Variants in AGK observed in about 807,000 individuals in gnomAD.
The protein encoded by AGK is acylglycerol kinase.
A neutral mutation model predicts 66.4 loss-of-function variants in AGK; 52 were observed. The observed-to-expected ratio is 0.78, with a 90% CI of 0.63 to 0.99. The LOEUF (loss-of-function observed/expected upper bound fraction) is 0.99, where lower values mean the gene tolerates loss of function less well. Among genes scored for constraint, AGK ranks in the 50% least tolerant of loss-of-function variants. AGK has a pLI of 0.00. For synonymous variants in AGK, 182 were observed against 181.1 expected, an observed-to-expected ratio of 1.00 and a Z score of -0.04; for missense variants, 451 against 506.6, an observed-to-expected ratio of 0.89 and a Z score of 1.05.
chr7:141,615,695 A>G, intron 8 of AGK, 130 bp downstream of exon 8: 1 of 741,098 alleles, frequency 1.3e-6, no homozygotes, highest in South Asian at 1.7e-5. Context: ...GAGGACCTAG[A>G]TCAGAGTTCA....
chr7:141,561,581 A>G (rs1188856276), intron 2 of AGK, among the ~76,000 whole-genome samples: 1 of 151,240 alleles, frequency 6.6e-6, no homozygotes, highest in Non-Finnish European at 1.5e-5. Context: ...AGAATTGTCT[A>G]TTCATGTCCT....
At chr7:141,626,991 A>G (rs1346009309) in intron 9 of AGK, among the ~76,000 whole-genome samples, 2 of 152,202 alleles carry the variant, frequency 1.3e-5, no homozygotes, top group Non-Finnish European at 2.9e-5. Flanking sequence ...GAAGTCTGCA[A>G]TTTATTGGCA....
At chr7:141,635,938 C>T (rs531417924) in intron 10 of AGK, among the ~76,000 whole-genome samples, 2 of 152,284 alleles carry the variant, frequency 1.3e-5, no homozygotes, top group Admixed American at 1.3e-4. Context: ...GTTTCCTCCG[C>T]ATTCATAGTG....
At chr7:141,645,792 A>G (rs1271756528) in intron 13 of AGK, among the ~76,000 whole-genome samples, 6 of 152,156 alleles carry the variant, frequency 3.9e-5, no homozygotes, top group Admixed American at 3.9e-4. Flanking sequence ...TCCAGCATCT[A>G]TTGAGATAAT....
intron 2 of AGK, among the ~76,000 whole-genome samples, chr7:141,573,041 G>A (rs900660355): frequency 1.3e-5 from 2 of 152,140 alleles, no homozygotes; most frequent in East Asian, 1.9e-4. Flanking sequence ...TGAAGGTAGG[G>A]AGGTTTTTTT....
chr7:141,580,339 C>T (rs1795855182), intron 2 of AGK, among the ~76,000 whole-genome samples: 1 of 151,704 alleles, frequency 6.6e-6, no homozygotes, highest in Admixed American at 6.6e-5. Flanking sequence ...TGGTGAGTGG[C>T]AATTAGGCCT....
intron 4 of AGK, among the ~76,000 whole-genome samples, chr7:141,597,890 CAAAAAAAAAAAAAAAA>C (rs56295907): frequency 0.019 from 1,344 of 71,522 alleles, 49 homozygotes; most frequent in African/African-American, 0.098. Flanking sequence ...GACTCTGTCT[CAAAAAAAAAAAAAAAA>C]AAAAAAAAAA....
chr7:141,556,826 A>G (rs1049171437), intron 2 of AGK, among the ~76,000 whole-genome samples: 2 of 152,210 alleles, frequency 1.3e-5, no homozygotes, highest in African/African-American at 2.4e-5. Flanking sequence ...TGAGAAGTAG[A>G]CTTTCAAACC....
intron 5 of AGK, among the ~76,000 whole-genome samples, chr7:141,605,341 T>C (rs1423685301): frequency 6.6e-6 from 1 of 152,278 alleles, no homozygotes; most frequent in Non-Finnish European, 1.5e-5. Flanking sequence ...ACATGCAGTC[T>C]TTTGGGTCCT....
chr7:141,608,937 T>G (rs913379675), intron 5 of AGK, among the ~76,000 whole-genome samples: 1 of 152,244 alleles, frequency 6.6e-6, no homozygotes, highest in Non-Finnish European at 1.5e-5. Flanking sequence ...TAATTCCTCA[T>G]GATCACTTAT....
In AGK at chr7:141,598,001, C is replaced by A. The variant is rs1228000434; in HGVS notation, c.221+1360C>A. ...TCAAGTGACATTAAGGTAATAAGAA[C>A]AACAACAAGAAAGATAGTTTGGGCT... is the stretch of plus-strand genomic sequence containing the variant. On this transcript the variant is annotated intron_variant, in intron 4 of 15. Transcript: ENST00000649286. The surrounding 1 kb of genome is among the most constrained non-coding windows in gnomAD (Gnocchi z 4.2). Among the ~76,000 whole-genome samples the A allele has an allele frequency of 2.1e-5, 3 of 143,766 alleles. No individual in the cohort carries two copies. The highest frequency in any genetic ancestry group is 4.5e-5 in the Non-Finnish European group (3 of 66,126). The allele number at this position is 143,766 out of a possible 152,430, so 94.3% of individuals were successfully genotyped here.
At chr7:141,612,054 C>T (rs560110574) in intron 6 of AGK, among the ~76,000 whole-genome samples, 15 of 152,130 alleles carry the variant, frequency 9.9e-5, no homozygotes, top group Non-Finnish European at 1.6e-4. Context: ...TTCATAATTA[C>T]CAAATCTTGG....
intron 10 of AGK, 129 bp downstream of exon 10, chr7:141,634,109 G>A (rs1797118497): frequency 2.6e-6 from 2 of 764,118 alleles, no homozygotes; most frequent in Non-Finnish European, 4.5e-6. Context: ...AATTATGTGT[G>A]AATAATGGAG....
chr7:141,618,566 T>C lies in AGK; in HGVS notation c.518+3001T>C, dbSNP rs1279161528. ...GACTACAATTACTGAGTCTAGATTCTATAATTAAAACAAATATAAATCAAA... is the reference window on the plus strand; with the variant it reads ...GACTACAATTACTGAGTCTAGATTCCATAATTAAAACAAATATAAATCAAA... On this transcript the variant is annotated intron_variant, in intron 8 of 15. Coordinates refer to ENST00000649286, the MANE Select transcript of AGK (RefSeq NM_018238.4). Among the ~76,000 whole-genome samples the C allele has an allele frequency of 2.6e-5, 4 of 152,204 alleles. No individual in the cohort carries two copies. The East Asian group carries it at 7.7e-4, about 29-fold the overall frequency.
chr7:141,578,525 G>A (rs1289433838), intron 2 of AGK, among the ~76,000 whole-genome samples: 1 of 151,822 alleles, frequency 6.6e-6, no homozygotes, highest in Non-Finnish European at 1.5e-5. Flanking sequence ...TAGTATCGAA[G>A]TGTTGGGGCA....
intron 4 of AGK, chr7:141,599,257 AATAAG>A (rs1466729040): frequency 6.6e-6 from 1 of 152,168 alleles, no homozygotes; most frequent in Non-Finnish European, 1.5e-5. Flanking sequence ...AGCTTTAAGA[AATAAG>A]ATAACTGTGT....
chr7:141,626,701 G>A (rs960584873), intron 9 of AGK, among the ~76,000 whole-genome samples: 1 of 152,120 alleles, frequency 6.6e-6, no homozygotes, highest in African/African-American at 2.4e-5. Flanking sequence ...AAATGTCAAT[G>A]TCATGAAATC....
chr7:141,650,739 TATAA>T, intron 14 of AGK: 9 of 931,330 alleles, frequency 9.7e-6, no homozygotes, highest in Non-Finnish European at 1.2e-5. Context: ...TAGACCGCGT[TATAA>T]ATACAGTCAT....
At chr7:141,644,954 A>G (rs1016063576) in intron 13 of AGK, among the ~76,000 whole-genome samples, 1 of 151,990 alleles carries the variant, frequency 6.6e-6, no homozygotes, top group African/African-American at 2.4e-5. Context: ...TCATATTTAT[A>G]CTAATACTCT....
Sources: allele counts gnomAD v4.1 joint callset (sites outside exome capture counted in the v4.1 genomes callset), GRCh38; gene constraint gnomAD v4.1.1; non-coding constraint Gnocchi (gnomAD v3.1); transcripts MANE v1.5; gene names NCBI Gene and HGNC (gene_info 2026-07-23, HGNC 2026-07-21).